Variants in B3GLCT observed in about 807,000 individuals in gnomAD.
The protein encoded by B3GLCT is beta-1,3-glucosyltransferase.
Under a neutral mutation model 63.4 loss-of-function variants are expected in B3GLCT, and 65 were observed. The ratio of observed to expected loss-of-function variants is 1.03; its 90% CI spans 0.84 to 1.26. The LOEUF is 1.26. Ranked by LOEUF, B3GLCT falls within the 50% of genes most tolerant of loss-of-function variation. The pLI, the probability that B3GLCT is intolerant of heterozygous loss-of-function variation, is 0.00. For missense variants in B3GLCT, 577 were observed against 604.8 expected, an observed-to-expected ratio of 0.95 and a Z score of 0.48; for synonymous variants, 233 against 219.2, an observed-to-expected ratio of 1.06 and a Z score of -0.55.
At chr13:31,266,394 T>G (rs1384971078) in intron 7 of B3GLCT, among the ~76,000 whole-genome samples, 4 of 152,234 alleles carry the variant, frequency 2.6e-5, no homozygotes, top group Non-Finnish European at 1.5e-5. Flanking sequence ...GAATATTTAA[T>G]GAGGAAACAT....
chr13:31,244,473 CAA>C (rs1192175392), intron 4 of B3GLCT, among the ~76,000 whole-genome samples: 5 of 152,140 alleles, frequency 3.3e-5, no homozygotes, highest in South Asian at 2.1e-4. Flanking sequence ...GCCTGGGTGA[CAA>C]GAGCGAAACT....
chr13:31,297,207 G>T (rs1277283423), intron 12 of B3GLCT, among the ~76,000 whole-genome samples: 1 of 152,002 alleles, frequency 6.6e-6, no homozygotes, highest in East Asian at 1.9e-4. Flanking sequence ...TCAACATGGG[G>T]TTGTGGGTAT....
At chr13:31,288,117 C>T (rs1026817499) in intron 12 of B3GLCT, among the ~76,000 whole-genome samples, 2 of 152,004 alleles carry the variant, frequency 1.3e-5, no homozygotes, top group Non-Finnish European at 2.9e-5. Flanking sequence ...ACCCATAGAT[C>T]CAAGAGTGTC....
intron 12 of B3GLCT, among the ~76,000 whole-genome samples, chr13:31,288,627 CA>C (rs1357823633): frequency 1.3e-5 from 2 of 152,204 alleles, no homozygotes; most frequent in Non-Finnish European, 2.9e-5. Context: ...GGAAATTACA[CA>C]TACCACGAAC....
At chr13:31,286,646 T>C in intron 11 of B3GLCT, 74 bp from the exon 12 acceptor site, 1 of 1,115,176 alleles carries the variant, frequency 9.0e-7, no homozygotes, top group Non-Finnish European at 1.3e-6. Flanking sequence ...ACTTCAAAAC[T>C]AAAAAGAAAT....
intron 14 of B3GLCT, 83 bp downstream of exon 14, chr13:31,323,978 A>G: frequency 6.6e-7 from 1 of 1,523,644 alleles, no homozygotes. Flanking sequence ...CTTTCTCTTC[A>G]CATATTCGGG....
chr13:31,250,577 G>A (rs909790422), intron 6 of B3GLCT, among the ~76,000 whole-genome samples: 1 of 152,256 alleles, frequency 6.6e-6, no homozygotes, highest in African/African-American at 2.4e-5. Flanking sequence ...TACCCTCACA[G>A]TGTAAACAAA....
At position 31,204,390 on chromosome 13, in the gene B3GLCT, A is replaced by G. The variant is rs887380752; in HGVS notation, c.70+4236A>G. Among the ~76,000 whole-genome samples the G allele has an allele frequency of 2.6e-5, 4 of 152,280 alleles. No individual in the cohort carries two copies. In the South Asian group the frequency reaches 6.2e-4, roughly 24 times the overall value. ...ATTAATTATCGGATCCAAAATGCCA[A>G]CAGTGGCAAGCTTGAGAAACTGTGG... On this transcript the variant is annotated intron_variant, in intron 1 of 14. Transcript: ENST00000343307.
chr13:31,230,654 T>C (rs1288590243), intron 4 of B3GLCT, among the ~76,000 whole-genome samples: 2 of 152,220 alleles, frequency 1.3e-5, no homozygotes. Context: ...GAGAGGAAAG[T>C]AACACATGCT....
intron 1 of B3GLCT, among the ~76,000 whole-genome samples, chr13:31,211,152 T>C (rs1050563841): frequency 1.3e-5 from 2 of 152,156 alleles, no homozygotes; most frequent in African/African-American, 2.4e-5. Context: ...CTCAGCACTT[T>C]GGGAGGCCGA....
At chr13:31,279,453 G>C (rs1395750736) in intron 10 of B3GLCT, among the ~76,000 whole-genome samples, 3 of 152,070 alleles carry the variant, frequency 2.0e-5, no homozygotes, top group Admixed American at 2.0e-4. Context: ...GTCCGGGGGA[G>C]ACATCACATG....
chr13:31,282,405 C>T (rs1040964756), intron 10 of B3GLCT, among the ~76,000 whole-genome samples: 14 of 152,024 alleles, frequency 9.2e-5, no homozygotes, highest in Admixed American at 2.0e-4. Flanking sequence ...TTTGGGAGGC[C>T]GAGGCGGGCG....
rs1294903723 is a variant in B3GLCT at position 31,269,193 on chromosome 13, C to T, written c.597-21C>T. The T allele has an allele frequency of 2.5e-6, 4 of 1,579,256 alleles. No homozygotes were observed. The African/African-American group carries it at 4.0e-5, about 16-fold the overall frequency. ...GACACTTCTTTTGGTTAAAAAAAATCAAATTGTCTCTATTTTCTAGGCTTA... is the reference window on the plus strand; with the variant it reads ...GACACTTCTTTTGGTTAAAAAAAATTAAATTGTCTCTATTTTCTAGGCTTA... On this transcript the variant is annotated intron_variant, in intron 7 of 14. Transcript: ENST00000343307.
chr13:31,256,174 GA>G (rs1318986648), intron 6 of B3GLCT, among the ~76,000 whole-genome samples: 1 of 151,844 alleles, frequency 6.6e-6, no homozygotes, highest in Non-Finnish European at 1.5e-5. Context: ...AAAAACATAT[GA>G]AAAAAAAGTT....
At position 31,285,206 on chromosome 13, in the gene B3GLCT, G is replaced by A. The variant is rs188598710; in HGVS notation, c.964+445G>A. Among the ~76,000 whole-genome samples the A allele has an allele frequency of 3.1e-4, 47 of 152,238 alleles. No individual in the cohort carries two copies. In the South Asian group the frequency reaches 5.2e-3, roughly 17 times the overall value. The stretch of plus-strand genomic sequence containing the variant: ...ATGTTAAGATTTTAATTAGTAAATT[G>A]TTGGAAATAAACCTGCTTTTCTCTT... On this transcript the variant is annotated intron_variant, in intron 11 of 14. Coordinates refer to ENST00000343307, the MANE Select transcript of B3GLCT (RefSeq NM_194318.4).
intron 6 of B3GLCT, among the ~76,000 whole-genome samples, chr13:31,248,768 T>C (rs1871302584): frequency 6.6e-6 from 1 of 152,232 alleles, no homozygotes; most frequent in African/African-American, 2.4e-5. Flanking sequence ...TTGTTTGCCT[T>C]GAAATCCCTA....
Position 31,329,993 on chromosome 13 carries a change from C to T in B3GLCT, c.*325C>T. ...AATAAATGGTACCAGAAGTCCCTTT[C>T]CTGTTCTGTCTCTTCATTGTAATGG... On this transcript the variant is annotated 3_prime_UTR_variant, in exon 15 of 15. Transcript: ENST00000343307. 1 of 348,652 alleles carries T rather than the reference C, an allele frequency of 2.9e-6. No individual in the cohort carries two copies. The highest frequency in any genetic ancestry group is 5.4e-6 in the Non-Finnish European group (1 of 184,010). The allele number at this position is 348,652 out of a possible 1,614,324, so 21.6% of individuals were successfully genotyped here.
chr13:31,265,401 T>C (rs868177917), intron 7 of B3GLCT, among the ~76,000 whole-genome samples: 6 of 152,200 alleles, frequency 3.9e-5, no homozygotes, highest in Admixed American at 6.5e-5. Flanking sequence ...TCCAGGAATG[T>C]TGATTCCCTT....
intron 6 of B3GLCT, among the ~76,000 whole-genome samples, chr13:31,254,821 G>T (rs577107157): frequency 1.8e-4 from 28 of 152,228 alleles, no homozygotes; most frequent in Non-Finnish European, 1.8e-4. Flanking sequence ...GGAGGCCGAG[G>T]TGGGTGGATC....
Sources: allele counts gnomAD v4.1 joint callset (sites outside exome capture counted in the v4.1 genomes callset), GRCh38; gene constraint gnomAD v4.1.1; transcripts MANE v1.5; gene names NCBI Gene and HGNC (gene_info 2026-07-23, HGNC 2026-07-21).